Variants in GPC5 observed in about 807,000 individuals in gnomAD.
GPC5 encodes the protein glypican-5.
Under a neutral mutation model 53.9 loss-of-function variants are expected in GPC5, and 47 were observed. That is an observed-to-expected ratio of 0.87 (90% CI 0.69 to 1.11). The LOEUF (loss-of-function observed/expected upper bound fraction) is 1.11, where lower values mean the gene tolerates loss of function less well. GPC5 is among the 50% of genes most tolerant of loss of function. GPC5 has a pLI of 0.00. For synonymous variants in GPC5, 286 were observed against 263.3 expected (o/e 1.09, Z -0.84); for missense variants, 748 against 713.1 (o/e 1.05, Z -0.56).
intron 2 of GPC5, among the ~76,000 whole-genome samples, chr13:91,660,022 G>A (rs901654311): frequency 2.6e-5 from 4 of 152,176 alleles, no homozygotes; most frequent in African/African-American, 9.7e-5. Context: ...AAAAAGAAAG[G>A]CTTCAGGTTG....
chr13:91,705,679 A>G (rs1382137793), intron 3 of GPC5, among the ~76,000 whole-genome samples: 1 of 149,340 alleles, frequency 6.7e-6, no homozygotes, highest in African/African-American at 2.5e-5. Context: ...TGGGTGGAGA[A>G]GGACTCTAAA....
intron 7 of GPC5, among the ~76,000 whole-genome samples, chr13:92,672,656 G>A (rs1359683535): frequency 6.6e-6 from 1 of 152,122 alleles, no homozygotes; most frequent in African/African-American, 2.4e-5. Flanking sequence ...TGACACACTG[G>A]ATCAAGAAAA....
Position 92,495,516 on chromosome 13 carries a change from C to G in GPC5, c.1561+350527C>G, listed in dbSNP as rs537533399. On this transcript the variant is annotated intron_variant, in intron 7 of 7. Transcript: ENST00000377067. ...ATTGGGATATGCTGCCAGTCTCGAA[C>G]CACTTTAATTTGATTCCTCAGACTG... is the stretch of plus-strand genomic sequence containing the variant. Among the ~76,000 whole-genome samples, 16 of 152,134 alleles carry G rather than the reference C, an allele frequency of 1.1e-4. No individual in the cohort carries two copies. The South Asian group carries it at 1.2e-3, about 12-fold the overall frequency.
intron 2 of GPC5, among the ~76,000 whole-genome samples, chr13:91,665,331 C>T (rs188706425): frequency 6.6e-6 from 1 of 152,208 alleles, no homozygotes; most frequent in Non-Finnish European, 1.5e-5. Context: ...AATTACGGTC[C>T]CTTGAAGGCT....
intron 7 of GPC5, among the ~76,000 whole-genome samples, chr13:92,558,241 A>G (rs1028154781): frequency 3.9e-5 from 6 of 152,046 alleles, no homozygotes; most frequent in African/African-American, 1.2e-4. Flanking sequence ...AGGAAGCTAT[A>G]CTTCCATATA....
intron 6 of GPC5, among the ~76,000 whole-genome samples, chr13:91,994,144 T>C (rs181065634): frequency 5.3e-5 from 8 of 152,264 alleles, no homozygotes; most frequent in Admixed American, 5.2e-4. Context: ...TTCAGAGGAA[T>C]ACAAGTAAGA....
chr13:92,544,821 C>T (rs1355081159), intron 7 of GPC5, among the ~76,000 whole-genome samples: 1 of 152,020 alleles, frequency 6.6e-6, no homozygotes, highest in East Asian at 1.9e-4. Context: ...ATAATTTCTT[C>T]ATTTGTTTTA....
At chr13:91,690,471 C>G (rs544387293) in intron 2 of GPC5, among the ~76,000 whole-genome samples, 12 of 151,852 alleles carry the variant, frequency 7.9e-5, no homozygotes, top group Non-Finnish European at 2.9e-5. Context: ...TACACAGTGG[C>G]CTTAAAAGAG....
At chr13:92,387,391 A>G (rs1350521294) in intron 7 of GPC5, among the ~76,000 whole-genome samples, 2 of 152,072 alleles carry the variant, frequency 1.3e-5, no homozygotes, top group East Asian at 1.9e-4. Context: ...CGATAGCTCT[A>G]TCAGGACATA....
intron 7 of GPC5, among the ~76,000 whole-genome samples, chr13:92,307,691 C>T (rs964487196): frequency 2.0e-5 from 3 of 152,152 alleles, no homozygotes; most frequent in African/African-American, 7.2e-5. Context: ...CTCTCATCTG[C>T]CCTGCAACAA....
chr13:91,839,289 C>A (rs1185276424), intron 5 of GPC5, among the ~76,000 whole-genome samples: 2 of 152,028 alleles, frequency 1.3e-5, no homozygotes, highest in African/African-American at 4.8e-5. Flanking sequence ...AATTTATATT[C>A]ATATTTCTTG....
intron 5 of GPC5, among the ~76,000 whole-genome samples, chr13:91,828,771 G>A (rs577616265): frequency 4.3e-4 from 65 of 151,986 alleles, no homozygotes; most frequent in Middle Eastern, 3.4e-3. Flanking sequence ...AATAAAGTAG[G>A]AATCTATGAA....
chr13:92,130,942 T>TA (rs907766652), intron 6 of GPC5, among the ~76,000 whole-genome samples: 14 of 151,654 alleles, frequency 9.2e-5, no homozygotes, highest in African/African-American at 3.1e-4. Flanking sequence ...AAAAAGATAG[T>TA]AAAAAAACAG....
chr13:92,822,915 A>G (rs1877722209), intron 7 of GPC5, among the ~76,000 whole-genome samples: 1 of 152,108 alleles, frequency 6.6e-6, no homozygotes, highest in Admixed American at 6.6e-5. Flanking sequence ...GTTTTCATTA[A>G]AAAGCATTAC....
chr13:92,387,056 A>G (rs1038257019), intron 7 of GPC5, among the ~76,000 whole-genome samples: 3 of 152,106 alleles, frequency 2.0e-5, no homozygotes. Flanking sequence ...TCAAATTTTC[A>G]TTGAAGATCA....
intron 1 of GPC5, among the ~76,000 whole-genome samples, chr13:91,446,956 A>T (rs1329160281): frequency 3.9e-5 from 6 of 152,212 alleles, no homozygotes. Flanking sequence ...TGGTTCTGTG[A>T]CAAGAGAGAG....
At chr13:91,791,822 A>G (rs892878280) in intron 5 of GPC5, among the ~76,000 whole-genome samples, 1 of 152,206 alleles carries the variant, frequency 6.6e-6, no homozygotes, top group Non-Finnish European at 1.5e-5. Context: ...ATGGTTACTC[A>G]GGACTGGTGA....
Position 91,682,869 on chromosome 13 carries a change from G to A in GPC5, c.326-10318G>A, listed in dbSNP as rs145401664. On this transcript the variant is annotated intron_variant, in intron 2 of 7. Transcript: ENST00000377067. Reference sequence around the variant, plus strand: ...GTTAAATAGCTCACATAATCAGTACGTGGAAGACCTTGGACTACAGTCATT... The same window carrying A: ...GTTAAATAGCTCACATAATCAGTACATGGAAGACCTTGGACTACAGTCATT... Among the ~76,000 whole-genome samples the A allele has an allele frequency of 7.9e-5, 12 of 152,280 alleles. No homozygotes were observed. In the East Asian group the frequency reaches 2.1e-3, roughly 27 times the overall value.
intron 2 of GPC5, among the ~76,000 whole-genome samples, chr13:91,595,427 G>A (rs2032959408): frequency 6.6e-6 from 1 of 151,946 alleles, no homozygotes; most frequent in Non-Finnish European, 1.5e-5. Context: ...TTTAATTTTT[G>A]TTCAGTTTGA....
Sources: allele counts gnomAD v4.1 joint callset (sites outside exome capture counted in the v4.1 genomes callset), GRCh38; gene constraint gnomAD v4.1.1; transcripts MANE v1.5; gene names NCBI Gene and HGNC (gene_info 2026-07-23, HGNC 2026-07-21).